Variants in PTPRU observed in about 807,000 individuals in gnomAD.
The protein encoded by PTPRU is receptor-type tyrosine-protein phosphatase U.
A neutral mutation model predicts 166.3 loss-of-function variants in PTPRU; 69 were observed. That is an observed-to-expected ratio of 0.41 (90% CI 0.34 to 0.51). PTPRU has a LOEUF of 0.51. Among genes scored for constraint, PTPRU ranks in the 20% least tolerant of loss-of-function variants. PTPRU has a pLI of 0.09. For synonymous variants in PTPRU, 793 were observed against 814.0 expected (o/e 0.97, Z 0.44); for missense variants, 1,657 against 2,013.7 (o/e 0.82, Z 3.39).
intron 15 of PTPRU, among the ~76,000 whole-genome samples, chr1:29,292,738 A>G (rs1253878414): frequency 1.3e-5 from 2 of 152,194 alleles, no homozygotes; most frequent in Non-Finnish European, 2.9e-5. Context: ...GGTGAATTAG[A>G]ACATTATCTT....
chr1:29,322,602 C>T (rs1405238976), intron 26 of PTPRU, among the ~76,000 whole-genome samples: 2 of 152,102 alleles, frequency 1.3e-5, no homozygotes, highest in Non-Finnish European at 2.9e-5. Flanking sequence ...TGGTGTCCTC[C>T]TGTCCTGGGC....
chr1:29,283,806 G>A, intron 12 of PTPRU, 134 bp from the exon 13 acceptor site: 2 of 1,054,828 alleles, frequency 1.9e-6, no homozygotes, highest in Admixed American at 2.0e-5. Flanking sequence ...CTGCCTTCGG[G>A]TGGGGTGTCC....
chr1:29,259,546 C>A lies in PTPRU; in HGVS notation c.657C>A (p.Ala219=), dbSNP rs774856384. Reference sequence around the variant, plus strand: ...TGGCCGCGGGCAGAGCGGCCGAGGCCGAACGCTTCCTCTTGCAAGTGAGCG... The same window carrying A: ...TGGCCGCGGGCAGAGCGGCCGAGGCAGAACGCTTCCTCTTGCAAGTGAGCG... ...QCMAAGRAAE[A]ERFLLQRQSG... The change falls in exon 5 of 30, where the codon GCC becomes GCA. Residue 219 remains alanine (A), a synonymous_variant. Coordinates refer to ENST00000373779, the MANE Select transcript of PTPRU (RefSeq NM_133178.4). 4 of 1,592,372 alleles carry A rather than the reference C, an allele frequency of 2.5e-6. No individual in the cohort carries two copies. The highest frequency in any genetic ancestry group is 1.1e-5 in the South Asian group (1 of 90,398).
intron 15 of PTPRU, among the ~76,000 whole-genome samples, chr1:29,300,070 A>G (rs1264213612): frequency 4.6e-5 from 7 of 152,126 alleles, no homozygotes; most frequent in African/African-American, 1.4e-4. Flanking sequence ...GGTGCTTTAT[A>G]TACATTATTA....
intron 15 of PTPRU, among the ~76,000 whole-genome samples, chr1:29,296,893 T>G (rs1686908245): frequency 6.6e-6 from 1 of 152,050 alleles, no homozygotes; most frequent in Non-Finnish European, 1.5e-5. Flanking sequence ...TTTTTAAAAA[T>G]AGAAAGTTAT....
Position 29,258,784 on chromosome 1 carries a change from G to A in PTPRU, c.477+8G>A. 5 of 1,561,686 alleles carry A rather than the reference G, an allele frequency of 3.2e-6. No individual in the cohort carries two copies. Among genetic ancestry groups the A allele is most frequent in the Non-Finnish European group, 4.3e-6 (5 of 1,153,166 alleles). ...TGGCCCAATGAATATCAGGTGGGCT[G>A]GGTTCAGTCAGCGGTCAGCCTGTGC... is the stretch of plus-strand genomic sequence containing the variant. On this transcript the variant is annotated splice_region_variant and intron_variant, in intron 3 of 29. Transcript: ENST00000373779.
At chr1:29,294,380 A>G (rs1440596421) in intron 15 of PTPRU, among the ~76,000 whole-genome samples, 1 of 152,210 alleles carries the variant, frequency 6.6e-6, no homozygotes, top group Non-Finnish European at 1.5e-5. Context: ...TTTCCATGAA[A>G]TGCCTGTTCA....
intron 1 of PTPRU, among the ~76,000 whole-genome samples, chr1:29,247,171 C>T (rs972396643): frequency 7.2e-5 from 11 of 152,354 alleles, no homozygotes; most frequent in African/African-American, 2.6e-4. Context: ...ACTAGTAAGG[C>T]TTAAACTTAC....
chr1:29,275,206 G>A (rs12030926), intron 7 of PTPRU, among the ~76,000 whole-genome samples: 73,241 of 151,974 alleles, frequency 0.48, 19,463 homozygotes, highest in Middle Eastern at 0.61. Flanking sequence ...GGATCAGAGG[G>A]GTGAAGTGAT....
chr1:29,266,022 T>TG (rs1685287288), intron 7 of PTPRU, among the ~76,000 whole-genome samples: 1 of 141,646 alleles, frequency 7.1e-6, no homozygotes, highest in Non-Finnish European at 1.5e-5. Context: ...TTTTTTTTTT[T>TG]TTTTTTTTTT....
In PTPRU at chr1:29,316,255, C is replaced by A. The variant is rs77323106; in HGVS notation, c.3513+104C>A. The A allele has an allele frequency of 1.2e-3, 1,548 of 1,336,884 alleles. 31 individuals are homozygous for A. The East Asian group carries it at 0.037, about 32-fold the overall frequency. The allele number at this position is 1,336,884 out of a possible 1,614,324, so 82.8% of individuals were successfully genotyped here. A position where few individuals can be genotyped will look rare whatever the true frequency, so the allele number is the denominator to read the frequency against. On this transcript the variant is annotated intron_variant, in intron 24 of 29. Transcript: ENST00000373779. ...TCATTGAGGGCCAAGAAGCAGGGAC[C>A]AGCCTGAGGCCACAGCTGGAGGGAC... is the stretch of plus-strand genomic sequence containing the variant.
Position 29,320,282 on chromosome 1 carries a change from G to A in PTPRU, c.3688-403G>A, listed in dbSNP as rs947325006. The A allele has an allele frequency of 1.2e-5, 2 of 167,120 alleles. No homozygotes were observed. The highest frequency in any genetic ancestry group is 2.6e-5 in the Non-Finnish European group (2 of 78,406). The allele number at this position is 167,120 out of a possible 1,614,324, so 10.4% of individuals were successfully genotyped here. On this transcript the variant is annotated intron_variant, in intron 25 of 29. Transcript: ENST00000373779. The surrounding 1 kb of genome is among the most constrained non-coding windows in gnomAD (Gnocchi z 5.2). The stretch of plus-strand genomic sequence containing the variant: ...CTTCTTTGAGGAGGTGATAAGTAAA[G>A]ACCAGAAGGAAGTGAGGGAGACAGC...
rs1007072690 is a variant in PTPRU at position 29,272,947 on chromosome 1, G to A, written c.1145-2501G>A. ...AAAAAAGAAAAAAAAATGCTCCTAG[G>A]GGTTGTACTTAATCTTCTTAAGAGA... is the stretch of plus-strand genomic sequence containing the variant. On this transcript the variant is annotated intron_variant, in intron 7 of 29. Coordinates refer to ENST00000373779, the MANE Select transcript of PTPRU (RefSeq NM_133178.4). Among the ~76,000 whole-genome samples, 13 of 151,696 alleles carry A rather than the reference G, an allele frequency of 8.6e-5. No homozygotes were observed. The East Asian group carries it at 9.7e-4, about 11-fold the overall frequency.
Position 29,275,488 on chromosome 1 carries a change from C to T in PTPRU, c.1185C>T (p.Ile395=). ...CCAAAGGCCTGGCTTTTGCTGAGAT[C>T]CAGGCCCGTCAGCTGACCCTGCAGT... ...RAPKGLAFAE[I]QARQLTLQWE... The change falls in exon 8 of 30, where the codon ATC becomes ATT. Residue 395 remains isoleucine, a synonymous_variant. Coordinates refer to ENST00000373779, the MANE Select transcript of PTPRU (RefSeq NM_133178.4). 1 of 1,614,170 alleles carries T rather than the reference C, an allele frequency of 6.2e-7. No individual in the cohort carries two copies. Among genetic ancestry groups the T allele is most frequent in the Non-Finnish European group, 8.5e-7 (1 of 1,180,008 alleles).
At position 29,258,576 on chromosome 1, in the gene PTPRU, A is replaced by G. The variant is rs1308141165; in HGVS notation, c.277A>G (p.Ser93Gly). 1.6e-5 allele frequency: 26 copies of G among 1,614,132 alleles called. No homozygotes were observed. Among genetic ancestry groups the G allele is most frequent in the Non-Finnish European group, 2.1e-5 (25 of 1,180,050 alleles). Residue 93 changes from serine (S) to glycine (G), a missense_variant, in exon 3 of 30, where the codon AGC becomes GGC. By Grantham distance (56) the Ser-to-Gly change is moderately conservative. Coordinates refer to ENST00000373779, the MANE Select transcript of PTPRU (RefSeq NM_133178.4). ...QRAHVIFQSLSENDTHCVQFS... is the reference protein window; with the variant it reads ...QRAHVIFQSLGENDTHCVQFS... ...AGCCCATGTCATCTTCCAGAGCCTGAGCGAGAATGATACCCACTGTGTGCA... is the reference window on the plus strand; with the variant it reads ...AGCCCATGTCATCTTCCAGAGCCTGGGCGAGAATGATACCCACTGTGTGCA...
intron 18 of PTPRU, chr1:29,307,251 T>C: frequency 7.0e-7 from 1 of 1,428,764 alleles, no homozygotes; most frequent in South Asian, 1.2e-5. Context: ...TCTCTCTGTC[T>C]CTGTCCTTCC....
Position 29,236,713 on chromosome 1 carries a change from G to A in PTPRU, c.69G>A (p.Pro23=). ...TCTGCGCGCCGGAGACCGAGACTCC[G>A]GCAGGTAAGCGCGCGGCGGCCGGAC... ...FQLCAPETET[P]AAGCTFEEAS... Residue 23 remains proline, a synonymous_variant, in exon 1 of 30, where the codon CCG becomes CCA. Transcript: ENST00000373779. The surrounding 1 kb of genome is among the most constrained non-coding windows in gnomAD (Gnocchi z 4.6). 2.1e-6 allele frequency: 3 copies of A among 1,447,760 alleles called. No homozygotes were observed. The highest frequency in any genetic ancestry group is 1.8e-6 in the Non-Finnish European group (2 of 1,102,436). 89.7% of individuals were successfully genotyped at this position (1,447,760 alleles called of 1,614,324 possible).
intron 7 of PTPRU, among the ~76,000 whole-genome samples, chr1:29,274,662 T>C (rs1040985560): frequency 6.6e-6 from 1 of 152,214 alleles, no homozygotes; most frequent in African/African-American, 2.4e-5. Flanking sequence ...AAGTTTGGAA[T>C]TAATACCTTA....
chr1:29,285,246 C>T (rs547907935), intron 14 of PTPRU, among the ~76,000 whole-genome samples: 28 of 152,296 alleles, frequency 1.8e-4, no homozygotes, highest in African/African-American at 6.5e-4. Context: ...GGTGTCTGCC[C>T]TGCTTATGGG....
Sources: allele counts gnomAD v4.1 joint callset (sites outside exome capture counted in the v4.1 genomes callset), GRCh38; gene constraint gnomAD v4.1.1; non-coding constraint Gnocchi (gnomAD v3.1); transcripts MANE v1.5; gene names NCBI Gene and HGNC (gene_info 2026-07-23, HGNC 2026-07-21).